The following GRIK2 variants were observed in gnomAD, a reference collection of about 807,000 sequenced individuals.
GRIK2 encodes the protein glutamate ionotropic receptor kainate type subunit 2.
GRIK2 carries 32 observed loss-of-function variants against 100.3 expected under a neutral mutation model. That is an observed-to-expected ratio of 0.32 (90% confidence interval 0.24 to 0.43). The LOEUF (loss-of-function observed/expected upper bound fraction) is 0.43. Ranked by LOEUF, GRIK2 falls within the 20% of genes least tolerant of loss-of-function variation. The pLI is 1.00. For missense variants in GRIK2, 843 were observed against 1,114.9 expected, an observed-to-expected ratio of 0.76 and a Z score of 3.47; for synonymous variants, 417 against 389.4, an observed-to-expected ratio of 1.07 and a Z score of -0.83.
At chr6:101,522,333 T>A (rs1185200356) in intron 2 of GRIK2, among the ~76,000 whole-genome samples, 2 of 152,138 alleles carry the variant, frequency 1.3e-5, no homozygotes, top group Admixed American at 6.6e-5. Flanking sequence ...TGTGTATTAA[T>A]CCAGATAGGT....
intron 2 of GRIK2, among the ~76,000 whole-genome samples, chr6:101,431,720 T>C (rs1769412476): frequency 6.6e-6 from 1 of 152,246 alleles, no homozygotes; most frequent in African/African-American, 2.4e-5. Flanking sequence ...AAATGGAATA[T>C]TGGTTATCAC....
At chr6:101,899,145 A>G (rs1414272930) in intron 12 of GRIK2, among the ~76,000 whole-genome samples, 1 of 149,618 alleles carries the variant, frequency 6.7e-6, no homozygotes, top group Non-Finnish European at 1.5e-5. Flanking sequence ...TGTCCTAAAT[A>G]GTAATGGGAA....
At chr6:102,036,436 C>T (rs901241702) in intron 15 of GRIK2, among the ~76,000 whole-genome samples, 2 of 151,146 alleles carry the variant, frequency 1.3e-5, no homozygotes, top group Non-Finnish European at 3.0e-5. Context: ...TTTGCAGATG[C>T]GATTAAGTTA....
intron 7 of GRIK2, among the ~76,000 whole-genome samples, chr6:101,733,941 A>T (rs1382776834): frequency 6.6e-6 from 1 of 152,050 alleles, no homozygotes; most frequent in East Asian, 1.9e-4. Flanking sequence ...TCCATCTGAC[A>T]CATCACCAGA....
chr6:101,425,054 C>G (rs965363428), intron 2 of GRIK2, among the ~76,000 whole-genome samples: 2 of 151,742 alleles, frequency 1.3e-5, no homozygotes, highest in Non-Finnish European at 2.9e-5. Context: ...TTTTCTTCAT[C>G]CAGTCTATCA....
chr6:101,553,209 C>T (rs1053116765), intron 2 of GRIK2, among the ~76,000 whole-genome samples: 12 of 152,206 alleles, frequency 7.9e-5, no homozygotes, highest in South Asian at 2.1e-4. Context: ...TAATATGGCA[C>T]GGCAATTAAT....
chr6:101,734,927 G>A (rs2128373525), intron 7 of GRIK2, among the ~76,000 whole-genome samples: 1 of 152,262 alleles, frequency 6.6e-6, no homozygotes, highest in East Asian at 1.9e-4. Context: ...GCTTGATCCA[G>A]CTTGTCTTCA....
intron 15 of GRIK2, among the ~76,000 whole-genome samples, chr6:102,039,009 C>G (rs17062782): frequency 0.079 from 11,973 of 151,128 alleles, 1,619 homozygotes; most frequent in African/African-American, 0.28. Context: ...AGTGGGAAAT[C>G]AGAAAAAAAA....
intron 11 of GRIK2, among the ~76,000 whole-genome samples, chr6:101,864,169 T>C (rs1372597883): frequency 1.4e-5 from 2 of 147,656 alleles, no homozygotes; most frequent in African/African-American, 5.0e-5. Flanking sequence ...AAAGAAGATG[T>C]GGATTAAATG....
chr6:101,942,821 T>C (rs1271296331), intron 14 of GRIK2, among the ~76,000 whole-genome samples: 1 of 152,194 alleles, frequency 6.6e-6, no homozygotes, highest in Non-Finnish European at 1.5e-5. Context: ...CATAAAAGTT[T>C]GGATAATTTT....
At chr6:101,991,075 A>G (rs773941828) in intron 14 of GRIK2, among the ~76,000 whole-genome samples, 191 of 151,968 alleles carry the variant, frequency 1.3e-3, no homozygotes, top group Non-Finnish European at 2.0e-3. Flanking sequence ...CTGATTCATA[A>G]TAGAACAAGC....
chr6:102,007,151 T>TAAAG (rs891900481), intron 14 of GRIK2, among the ~76,000 whole-genome samples: 1 of 152,106 alleles, frequency 6.6e-6, no homozygotes, highest in Non-Finnish European at 1.5e-5. Context: ...GATGGTTCCT[T>TAAAG]AAAGATAACT....
chr6:102,068,098 T>A (rs369938568), intron 16 of GRIK2, among the ~76,000 whole-genome samples: 2 of 151,810 alleles, frequency 1.3e-5, no homozygotes, highest in South Asian at 4.1e-4. Context: ...AATATATACA[T>A]TACTAGCTGG....
chr6:101,604,034 T>A (rs576936663), intron 2 of GRIK2, among the ~76,000 whole-genome samples: 3 of 151,684 alleles, frequency 2.0e-5, no homozygotes, highest in Admixed American at 6.6e-5. Context: ...AATACTCATA[T>A]AAAGTAAAAA....
chr6:101,459,348 A>G (rs539905614), intron 2 of GRIK2, among the ~76,000 whole-genome samples: 1 of 152,328 alleles, frequency 6.6e-6, no homozygotes, highest in South Asian at 2.1e-4. Flanking sequence ...ACAATTTCTG[A>G]TGTGAAGAAA....
intron 2 of GRIK2, among the ~76,000 whole-genome samples, chr6:101,482,361 C>G (rs538737337): frequency 6.6e-6 from 1 of 152,098 alleles, no homozygotes; most frequent in Non-Finnish European, 1.5e-5. Flanking sequence ...AGTGATACAT[C>G]TTTGATAGTA....
intron 11 of GRIK2, among the ~76,000 whole-genome samples, chr6:101,883,129 A>T (rs1438567253): frequency 1.3e-5 from 2 of 151,776 alleles, no homozygotes; most frequent in African/African-American, 2.4e-5. Flanking sequence ...GTTGTTGGAG[A>T]GATGGGAGGG....
chr6:101,928,719 C>T (rs547155752), intron 14 of GRIK2, 87 bp downstream of exon 14: 46 of 721,518 alleles, frequency 6.4e-5, no homozygotes, highest in African/African-American at 3.7e-4. Flanking sequence ...AGTGTAACAA[C>T]GCCATTATTT....
intron 2 of GRIK2, among the ~76,000 whole-genome samples, chr6:101,418,224 A>G (rs1776242847): frequency 6.6e-6 from 1 of 152,320 alleles, no homozygotes; most frequent in South Asian, 2.1e-4. Context: ...TGGGAGTAAC[A>G]GACAGTATTT....
Sources: gnomAD v4.1 joint callset for allele counts (sites outside exome capture counted in the v4.1 genomes callset) on GRCh38, gnomAD v4.1.1 for gene constraint, MANE v1.5 for transcripts, NCBI Gene and HGNC (gene_info 2026-07-23, HGNC 2026-07-21) for gene names.